EYA1: variants seen among roughly 807,000 people sequenced by gnomAD.
EYA1 encodes the protein protein phosphatase EYA1.
In EYA1, 16 loss-of-function variants were observed where a neutral mutation model predicts 82.0. The observed-to-expected ratio is 0.20, with a 90% CI of 0.13 to 0.30. EYA1 has a LOEUF of 0.30. EYA1 is among the 10% of genes least tolerant of loss of function. The pLI is 1.00. For synonymous variants in EYA1, 261 were observed against 264.4 expected (o/e 0.99, Z 0.12); for missense variants, 633 against 730.7 (o/e 0.87, Z 1.54).
At chr8:71,510,579 A>G (rs1812522072) in intron 2 of EYA1, among the ~76,000 whole-genome samples, 1 of 152,212 alleles carries the variant, frequency 6.6e-6, no homozygotes, top group Non-Finnish European at 1.5e-5. Flanking sequence ...AAAGCCCCTT[A>G]TAAAACCAAC....
intron 9 of EYA1, among the ~76,000 whole-genome samples, chr8:71,274,587 A>C (rs911446258): frequency 1.6e-4 from 25 of 152,308 alleles, no homozygotes; most frequent in African/African-American, 6.0e-4. Context: ...AGGAGCATGA[A>C]ATATAATGAT....
intron 11 of EYA1, among the ~76,000 whole-genome samples, chr8:71,246,815 G>A (rs752099347): frequency 1.3e-5 from 2 of 152,160 alleles, no homozygotes; most frequent in African/African-American, 4.8e-5. Flanking sequence ...GCGGAGCCTT[G>A]CTGGGCACCT....
At chr8:71,323,287 T>C (rs1302637699) in intron 4 of EYA1, among the ~76,000 whole-genome samples, 1 of 152,192 alleles carries the variant, frequency 6.6e-6, no homozygotes, top group Non-Finnish European at 1.5e-5. Context: ...GGGCAATTAT[T>C]ATAAGATGTA....
intron 1 of EYA1, among the ~76,000 whole-genome samples, chr8:71,546,650 A>G (rs1290082911): frequency 6.6e-6 from 1 of 151,738 alleles, no homozygotes; most frequent in Non-Finnish European, 1.5e-5. Flanking sequence ...TACAGGCGCC[A>G]GCCACCACGC....
rs997768768 is a variant in EYA1 at position 71,291,446 on chromosome 8, A to G, written c.826+7601T>C. ...AAGATTCCCGTCCAACACCTTAACC[A>G]GTAAATTGTCTGCATGTGATCAGCA... On this transcript the variant is annotated intron_variant, in intron 9 of 17. Transcript: ENST00000340726. Among the ~76,000 whole-genome samples, 24 of 152,294 alleles carry G rather than the reference A, an allele frequency of 1.6e-4. No individual in the cohort carries two copies. The East Asian group carries it at 3.7e-3, about 23-fold the overall frequency.
chr8:71,383,889 A>T (rs1001399678), intron 2 of EYA1, among the ~76,000 whole-genome samples: 2 of 152,176 alleles, frequency 1.3e-5, no homozygotes, highest in Non-Finnish European at 2.9e-5. Flanking sequence ...AGGTAGATGT[A>T]TACATGGATT....
chr8:71,375,403 G>T (rs369110562), intron 2 of EYA1, among the ~76,000 whole-genome samples: 3 of 152,068 alleles, frequency 2.0e-5, no homozygotes, highest in South Asian at 4.1e-4. Context: ...TGGAAGAATG[G>T]CAGGACTGGC....
intron 9 of EYA1, among the ~76,000 whole-genome samples, chr8:71,288,167 G>C (rs1028869211): frequency 1.3e-5 from 2 of 152,156 alleles, no homozygotes; most frequent in Admixed American, 6.5e-5. Context: ...CCCCAGCCAG[G>C]TATGACTGGG....
rs765961794 is a variant in EYA1 at position 71,271,832 on chromosome 8, C to T, written c.892G>A (p.Gly298Ser). ...KDSDSDRLRR[G>S]SDGKSRGRGR... ...CGTCCACGTGATTTCCCATCTGAAC[C>T]TCGACGCAATCGATCAGAATCTGAA... The change falls in exon 10 of 18, where the codon GGT (glycine) becomes AGT (serine). Residue 298 changes from glycine (G) to serine (S), a missense_variant. Coordinates refer to ENST00000340726, the MANE Select transcript of EYA1 (RefSeq NM_000503.6). 2.5e-6 allele frequency: 4 copies of T among 1,614,156 alleles called. No individual in the cohort carries two copies. In the South Asian group the frequency reaches 4.4e-5, roughly 18 times the overall value.
intron 3 of EYA1, among the ~76,000 whole-genome samples, chr8:71,351,793 GATGAAGTT>G (rs1426836111): frequency 6.6e-6 from 1 of 151,784 alleles, no homozygotes; most frequent in Non-Finnish European, 1.5e-5. Flanking sequence ...TTGTTCTTCA[GATGAAGTT>G]ATGGTTTTTG....
In EYA1 at chr8:71,322,283, CA is replaced by C; in HGVS notation, c.203-16del. On this transcript the variant is annotated splice_polypyrimidine_tract_variant and intron_variant, in intron 4 of 17. Coordinates refer to ENST00000340726, the MANE Select transcript of EYA1 (RefSeq NM_000503.6). Reference sequence around the variant, plus strand: ...GCTCCCAATTGCTGGAAAACAAAAACAAAACAAAATAATGCACAATAATCCA... The same window carrying C: ...GCTCCCAATTGCTGGAAAACAAAAACAAACAAAATAATGCACAATAATCCA... The C allele has an allele frequency of 6.2e-7, 1 of 1,610,462 alleles. No individual in the cohort carries two copies. Among genetic ancestry groups the C allele is most frequent in the East Asian group, 2.2e-5 (1 of 44,852 alleles).
intron 2 of EYA1, among the ~76,000 whole-genome samples, chr8:71,435,316 G>T (rs1409008532): frequency 2.0e-5 from 3 of 152,092 alleles, no homozygotes; most frequent in African/African-American, 7.2e-5. Flanking sequence ...CTACCAAAGT[G>T]AACTGTGAGC....
At chr8:71,477,907 A>G (rs886338156) in intron 2 of EYA1, among the ~76,000 whole-genome samples, 24 of 152,192 alleles carry the variant, frequency 1.6e-4, no homozygotes, top group Admixed American at 9.8e-4. Context: ...AAAAGGAGTG[A>G]AGTATGAATA....
chr8:71,424,932 C>T (rs1161487505), intron 2 of EYA1, among the ~76,000 whole-genome samples: 1 of 151,926 alleles, frequency 6.6e-6, no homozygotes, highest in Non-Finnish European at 1.5e-5. Flanking sequence ...AAAATGAGAG[C>T]TTCCTGACTT....
intron 2 of EYA1, among the ~76,000 whole-genome samples, chr8:71,393,183 T>A (rs903647658): frequency 4.6e-5 from 7 of 152,172 alleles, no homozygotes; most frequent in Non-Finnish European, 4.4e-5. Flanking sequence ...AAGCACTTTG[T>A]TGATATAAAA....
chr8:71,280,795 C>G (rs1399299499), intron 9 of EYA1, among the ~76,000 whole-genome samples: 4 of 152,124 alleles, frequency 2.6e-5, no homozygotes, highest in African/African-American at 9.7e-5. Flanking sequence ...GTCACCTAGG[C>G]TGCAATACTG....
chr8:71,467,955 C>T (rs991156762), intron 2 of EYA1, among the ~76,000 whole-genome samples: 1 of 152,006 alleles, frequency 6.6e-6, no homozygotes, highest in Admixed American at 6.6e-5. Flanking sequence ...TGAACACTAG[C>T]AGGAAAGGTG....
intron 2 of EYA1, among the ~76,000 whole-genome samples, chr8:71,454,147 A>G (rs898359136): frequency 6.6e-6 from 1 of 152,204 alleles, no homozygotes; most frequent in Non-Finnish European, 1.5e-5. Context: ...CAGACTTTAA[A>G]CCAACAAAGA....
In EYA1 at chr8:71,411,799, A is replaced by T. The variant is rs1325347475; in HGVS notation, c.34-55288T>A. On this transcript the variant is annotated intron_variant, in intron 2 of 18. Transcript: ENST00000643681. ...GTTGCTGGGACTGTAAACTAGTTCA[A>T]CCATTGTGGAAGTCAGTGTGGCGAT... Among the ~76,000 whole-genome samples, 5 of 146,128 alleles carry T rather than the reference A, an allele frequency of 3.4e-5. No individual in the cohort carries two copies. The South Asian group carries it at 1.1e-3, about 33-fold the overall frequency.
Sources: gnomAD v4.1 joint callset for allele counts (sites outside exome capture counted in the v4.1 genomes callset) on GRCh38, gnomAD v4.1.1 for gene constraint, MANE v1.5 for transcripts, NCBI Gene and HGNC (gene_info 2026-07-23, HGNC 2026-07-21) for gene names.